RSPO4: variants seen among roughly 807,000 people sequenced by gnomAD.
RSPO4 encodes the protein R-spondin-4.
Under a neutral mutation model 24.8 loss-of-function variants are expected in RSPO4, and 23 were observed. The ratio of observed to expected loss-of-function variants is 0.93; its 90% CI spans 0.67 to 1.31. The LOEUF is 1.31. RSPO4 is among the 40% of genes most tolerant of loss of function. RSPO4 has a pLI of 0.00. For synonymous variants in RSPO4, 141 were observed against 127.4 expected, an observed-to-expected ratio of 1.11 and a Z score of -0.72; for missense variants, 333 against 316.5, an observed-to-expected ratio of 1.05 and a Z score of -0.39.
chr20:972,613 C>T (rs563363741), intron 1 of RSPO4, among the ~76,000 whole-genome samples: 18 of 152,320 alleles, frequency 1.2e-4, no homozygotes, highest in African/African-American at 3.4e-4. Flanking sequence ...GACAGCTTGG[C>T]GTGGCTGTAT....
rs556908578 is a variant in RSPO4, at chr20:973,041, G to A, written c.80-4903C>T. On this transcript the variant is annotated intron_variant, in intron 1 of 4. Coordinates refer to ENST00000217260, the MANE Select transcript of RSPO4 (RefSeq NM_001029871.4). ...CAGCTGAGAAAAACCGAGAATCAAG[G>A]AGGTGAAACGACATGTCCAGGGTCA... Among the ~76,000 whole-genome samples, 6 of 152,350 alleles carry A rather than the reference G, an allele frequency of 3.9e-5. No individual in the cohort carries two copies. The East Asian group carries it at 1.2e-3, about 29-fold the overall frequency.
rs149248402 is a variant in RSPO4, at chr20:979,146, T to C, written c.80-11008A>G. 2.0e-5 allele frequency among the ~76,000 whole-genome samples: 3 copies of C among 152,154 alleles called. No individual in the cohort carries two copies. In the East Asian group the frequency reaches 5.8e-4, roughly 29 times the overall value. ...ACTTCTGAAATATGTCTGGGAATAA[T>C]TTCTCCACCTTTCCTGTCCCTACCC... On this transcript the variant is annotated intron_variant, in intron 1 of 4. Coordinates refer to ENST00000217260, the MANE Select transcript of RSPO4 (RefSeq NM_001029871.4).
At chr20:985,225 C>T (rs1984878775) in intron 1 of RSPO4, among the ~76,000 whole-genome samples, 1 of 142,910 alleles carries the variant, frequency 7.0e-6, no homozygotes, top group African/African-American at 2.8e-5. Flanking sequence ...ATCCATCCAC[C>T]CACCCATATA....
chr20:974,918 C>T (rs1014349445), intron 1 of RSPO4, among the ~76,000 whole-genome samples: 3 of 152,104 alleles, frequency 2.0e-5, no homozygotes, highest in Non-Finnish European at 4.4e-5. Context: ...TGATTCCCGA[C>T]TAATACAGAA....
At chr20:998,174 T>C (rs559026433) in intron 1 of RSPO4, among the ~76,000 whole-genome samples, 2 of 152,162 alleles carry the variant, frequency 1.3e-5, no homozygotes, top group East Asian at 3.9e-4. Context: ...GCCCCTTGCT[T>C]GCTCAGGTCT....
At chr20:965,161 G>A (rs533602317) in intron 3 of RSPO4, among the ~76,000 whole-genome samples, 37 of 152,202 alleles carry the variant, frequency 2.4e-4, no homozygotes, top group Non-Finnish European at 4.3e-4. Context: ...GGACACCGCC[G>A]TGATGAGGGA....
chr20:995,349 G>T lies in RSPO4; in HGVS notation c.79+6737C>A, dbSNP rs1015136855. Among the ~76,000 whole-genome samples, 7 of 152,244 alleles carry T rather than the reference G, an allele frequency of 4.6e-5. No homozygotes were observed. The East Asian group carries it at 1.4e-3, about 29-fold the overall frequency. ...CCCAGCTCACACATGTATTTGCGAC[G>T]TTACTTTGGATAAGCCAGTTCCCCT... On this transcript the variant is annotated intron_variant, in intron 1 of 4. Coordinates refer to ENST00000217260, the MANE Select transcript of RSPO4 (RefSeq NM_001029871.4).
intron 1 of RSPO4, among the ~76,000 whole-genome samples, chr20:973,940 G>C (rs1259768814): frequency 6.6e-6 from 1 of 152,062 alleles, no homozygotes; most frequent in Non-Finnish European, 1.5e-5. Context: ...CTTGCTTTTT[G>C]ACTTCCGGTA....
At position 958,757 on chromosome 20, in the gene RSPO4, C is replaced by T. The variant is rs1319201446; in HGVS notation, c.*1600G>A. 5 of 152,194 alleles carry T rather than the reference C, an allele frequency of 3.3e-5. No homozygotes were observed. The highest frequency in any genetic ancestry group is 4.8e-5 in the African/African-American group (2 of 41,348). The allele number at this position is 152,194 out of a possible 1,614,324, so 9.4% of individuals were successfully genotyped here. A position where few individuals can be genotyped will look rare whatever the true frequency, so the allele number is the denominator to read the frequency against. On this transcript the variant is annotated 3_prime_UTR_variant, in exon 5 of 5. Transcript: ENST00000217260. ...ATATTTCATCACCTAGAGCCTCTCCCCCAGCCTGCTGACCATCTTCCTTCC... is the reference window on the plus strand; with the variant it reads ...ATATTTCATCACCTAGAGCCTCTCCTCCAGCCTGCTGACCATCTTCCTTCC...
At chr20:989,830 C>A (rs943873016) in intron 1 of RSPO4, among the ~76,000 whole-genome samples, 1 of 152,224 alleles carries the variant, frequency 6.6e-6, no homozygotes, top group Admixed American at 6.5e-5. Flanking sequence ...TGTCCTACCC[C>A]ACCCCCAGCT....
chr20:972,357 C>T (rs1010771622), intron 1 of RSPO4, among the ~76,000 whole-genome samples: 3 of 152,236 alleles, frequency 2.0e-5, no homozygotes, highest in East Asian at 1.9e-4. Context: ...TGAGCCACAG[C>T]GCCCGGCTGG....
At chr20:961,437 G>C (rs1047613008) in intron 4 of RSPO4, among the ~76,000 whole-genome samples, 2 of 152,198 alleles carry the variant, frequency 1.3e-5, no homozygotes, top group Admixed American at 6.5e-5. Flanking sequence ...TTTATTCCTT[G>C]GGTGTCAACT....
chr20:974,768 A>G (rs1460599420), intron 1 of RSPO4, among the ~76,000 whole-genome samples: 2 of 152,190 alleles, frequency 1.3e-5, no homozygotes, highest in Non-Finnish European at 2.9e-5. Flanking sequence ...AATGGAGGCC[A>G]TACAGCAGAA....
intron 1 of RSPO4, among the ~76,000 whole-genome samples, chr20:973,874 C>T (rs1022856020): frequency 2.6e-5 from 4 of 152,142 alleles, no homozygotes; most frequent in African/African-American, 7.2e-5. Flanking sequence ...GCCTCATCCT[C>T]GACCCTGGCA....
Position 981,763 on chromosome 20 carries a change from C to G in RSPO4, c.80-13625G>C, listed in dbSNP as rs962784869. On this transcript the variant is annotated intron_variant, in intron 1 of 4. Transcript: ENST00000217260. This position sits in a 1 kb window ranked among gnomAD's most constrained non-coding sequence, Gnocchi z 4.6. ...ACGAGACCCCTGTCTAAAGGATCTG[C>G]CTGTCCCCACATTAAAGCATAGAGA... 6.6e-6 allele frequency among the ~76,000 whole-genome samples: 1 copy of G among 152,148 alleles called. No homozygotes were observed. The highest frequency in any genetic ancestry group is 1.5e-5 in the Non-Finnish European group (1 of 68,020).
intron 1 of RSPO4, among the ~76,000 whole-genome samples, chr20:972,805 G>A (rs1984448350): frequency 6.6e-6 from 1 of 152,216 alleles, no homozygotes; most frequent in Non-Finnish European, 1.5e-5. Flanking sequence ...CTGTGCCTTG[G>A]CGCTGTGTAA....
intron 4 of RSPO4, among the ~76,000 whole-genome samples, chr20:962,106 G>C (rs770067045): frequency 5.3e-5 from 8 of 152,232 alleles, no homozygotes; most frequent in Non-Finnish European, 1.0e-4. Context: ...GCACTAGAGA[G>C]ACAGCTGTGA....
chr20:964,682 GTATA>G (rs146795276), intron 3 of RSPO4, among the ~76,000 whole-genome samples: 1,579 of 141,152 alleles, frequency 0.011, 36 homozygotes, highest in African/African-American at 0.04. Flanking sequence ...ATATATACAT[GTATA>G]TATATATATA....
At chr20:966,148 G>A (rs1002468442) in intron 3 of RSPO4, among the ~76,000 whole-genome samples, 4 of 152,130 alleles carry the variant, frequency 2.6e-5, no homozygotes, top group Admixed American at 2.6e-4. Flanking sequence ...CTGGAGACAC[G>A]GAGTCAGGGG....
Sources: allele counts gnomAD v4.1 joint callset (sites outside exome capture counted in the v4.1 genomes callset), GRCh38; gene constraint gnomAD v4.1.1; non-coding constraint Gnocchi (gnomAD v3.1); transcripts MANE v1.5; gene names NCBI Gene and HGNC (gene_info 2026-07-23, HGNC 2026-07-21).